Variants in MEMO1 observed in about 807,000 individuals in gnomAD.
MEMO1 encodes the protein mediator of cell motility 1.
Under a neutral mutation model 45.2 loss-of-function variants are expected in MEMO1, and 6 were observed. The observed-to-expected ratio is 0.13, with a 90% CI of 0.07 to 0.26. The LOEUF is 0.26. Among genes scored for constraint, MEMO1 ranks in the 10% least tolerant of loss-of-function variants. The pLI is 1.00. For missense variants in MEMO1, 184 were observed against 370.5 expected (o/e 0.50, Z 4.13); for synonymous variants, 78 against 124.3 (o/e 0.63, Z 2.48).
chr2:31,963,494 T>C (rs1279110967), intron 2 of MEMO1, among the ~76,000 whole-genome samples: 1 of 152,216 alleles, frequency 6.6e-6, no homozygotes, highest in Non-Finnish European at 1.5e-5. Context: ...TTTGGAAAAC[T>C]GGTAAATAAA....
rs560334635 is a variant in MEMO1, at chr2:31,913,195, C to T, written c.437+4731G>A. Among the ~76,000 whole-genome samples the T allele has an allele frequency of 6.3e-5, 8 of 127,182 alleles. No individual in the cohort carries two copies. The Admixed American group carries it at 8.0e-4, about 13-fold the overall frequency. 83.4% of individuals were successfully genotyped at this position (127,182 alleles called of 152,430 possible). ...CAGGAGAATCACTTGACCCAGGAGGCGGAGGATGCAGTGAGCCATGATCCA... is the reference window on the plus strand; with the variant it reads ...CAGGAGAATCACTTGACCCAGGAGGTGGAGGATGCAGTGAGCCATGATCCA... On this transcript the variant is annotated intron_variant, in intron 6 of 9. Transcript: ENST00000404530.
At chr2:31,921,212 A>G (rs1056637522) in intron 4 of MEMO1, among the ~76,000 whole-genome samples, 1 of 152,200 alleles carries the variant, frequency 6.6e-6, no homozygotes, top group African/African-American at 2.4e-5. Flanking sequence ...AGACACCAGA[A>G]GTATGCCTGC....
chr2:31,902,168 G>A (rs528969537), intron 6 of MEMO1, among the ~76,000 whole-genome samples: 1 of 151,844 alleles, frequency 6.6e-6, no homozygotes, highest in South Asian at 2.1e-4. Flanking sequence ...TGTAATCCCA[G>A]CACTTTGGGA....
chr2:31,876,783 C>G (rs1333380149), intron 8 of MEMO1, among the ~76,000 whole-genome samples: 1 of 151,916 alleles, frequency 6.6e-6, no homozygotes, highest in Non-Finnish European at 1.5e-5. Context: ...TCATCCTTGA[C>G]ATTTCCTTGA....
chr2:31,904,922 A>T (rs1679442382), intron 6 of MEMO1, among the ~76,000 whole-genome samples: 1 of 152,208 alleles, frequency 6.6e-6, no homozygotes, highest in Non-Finnish European at 1.5e-5. Flanking sequence ...TTCATGTAAG[A>T]AAAAATAAAC....
intron 3 of MEMO1, among the ~76,000 whole-genome samples, chr2:31,942,249 T>C (rs895356592): frequency 6.6e-6 from 1 of 152,114 alleles, no homozygotes; most frequent in Non-Finnish European, 1.5e-5. Context: ...AAAGACACAA[T>C]CTACTCCTCC....
intron 6 of MEMO1, among the ~76,000 whole-genome samples, chr2:31,916,641 T>G (rs1681486015): frequency 6.6e-6 from 1 of 152,192 alleles, no homozygotes; most frequent in Admixed American, 6.6e-5. Flanking sequence ...AAGTTCTGAT[T>G]ACAACAACAA....
At chr2:31,954,025 C>T (rs1667135787) in intron 2 of MEMO1, among the ~76,000 whole-genome samples, 1 of 152,120 alleles carries the variant, frequency 6.6e-6, no homozygotes, top group Middle Eastern at 3.2e-3. Flanking sequence ...AGTATTTTGA[C>T]TTCTAAGATA....
chr2:31,879,981 T>C (rs1416444742), intron 8 of MEMO1, among the ~76,000 whole-genome samples: 1 of 152,192 alleles, frequency 6.6e-6, no homozygotes, highest in African/African-American at 2.4e-5. Flanking sequence ...TCCCTTAACA[T>C]GACACACCTA....
At chr2:31,871,843 A>G (rs1454866686) in intron 8 of MEMO1, among the ~76,000 whole-genome samples, 1 of 151,964 alleles carries the variant, frequency 6.6e-6, no homozygotes, top group Non-Finnish European at 1.5e-5. Flanking sequence ...GTGAAACCCT[A>G]TTTCCACTAA....
intron 6 of MEMO1, among the ~76,000 whole-genome samples, chr2:31,907,410 A>G (rs1298821557): frequency 6.6e-6 from 1 of 152,232 alleles, no homozygotes; most frequent in East Asian, 1.9e-4. Flanking sequence ...TACATCTACT[A>G]TATTTGAAAA....
Position 31,996,419 on chromosome 2 carries a change from A to C in MEMO1, c.61+13768T>G, listed in dbSNP as rs530152022. 4.6e-5 allele frequency among the ~76,000 whole-genome samples: 7 copies of C among 151,904 alleles called. No homozygotes were observed. The South Asian group carries it at 1.5e-3, about 32-fold the overall frequency. ...AAATTAGCTGGGTGTGGTGGTGCAC[A>C]CCCGTAGTCCCAGCTGAGGGAGGCT... On this transcript the variant is annotated intron_variant, in intron 2 of 9. Coordinates refer to ENST00000404530, the MANE Select transcript of MEMO1 (RefSeq NM_001301833.4).
rs70964741 is a variant in MEMO1 at position 31,925,475 on chromosome 2, C to CAAAAAAAAAAAAAA, written c.213-4579_213-4566dup. Among the ~76,000 whole-genome samples the CAAAAAAAAAAAAAA allele has an allele frequency of 5.8e-4, 46 of 79,212 alleles. 2 individuals carry two copies. Among genetic ancestry groups the CAAAAAAAAAAAAAA allele is most frequent in the Admixed American group, 9.9e-4 (7 of 7,038 alleles). The allele number at this position is 79,212 out of a possible 152,430, so 52.0% of individuals were successfully genotyped here. The stretch of plus-strand genomic sequence containing the variant: ...TGGGGGACAGAGCAAGACTCCGTCT[C>CAAAAAAAAAAAAAA]AAAAAAAAAAAAAAAAAAAAAAAAT... On this transcript the variant is annotated intron_variant, in intron 4 of 9. Transcript: ENST00000404530.
intron 7 of MEMO1, among the ~76,000 whole-genome samples, chr2:31,889,625 G>A (rs982268116): frequency 3.5e-4 from 54 of 152,142 alleles, no homozygotes; most frequent in African/African-American, 1.2e-3. Flanking sequence ...ATGCAAAAGA[G>A]AAAATGTATC....
chr2:31,982,959 C>T (rs564261445), intron 2 of MEMO1, among the ~76,000 whole-genome samples: 1 of 152,084 alleles, frequency 6.6e-6, no homozygotes, highest in South Asian at 2.1e-4. Context: ...TATACATAGG[C>T]CAGGTGCAGT....
chr2:31,948,172 A>G (rs1268396326), intron 2 of MEMO1, among the ~76,000 whole-genome samples: 1 of 152,240 alleles, frequency 6.6e-6, no homozygotes, highest in Non-Finnish European at 1.5e-5. Flanking sequence ...ATATGTATAC[A>G]AAGTTTCCTC....
At chr2:31,939,819 C>T (rs796685412) in intron 3 of MEMO1, among the ~76,000 whole-genome samples, 2 of 152,146 alleles carry the variant, frequency 1.3e-5, no homozygotes, top group Admixed American at 6.5e-5. Context: ...AGATACTATC[C>T]TATTTCTCTG....
intron 3 of MEMO1, among the ~76,000 whole-genome samples, chr2:31,933,429 G>C (rs140117249): frequency 3.1e-5 from 4 of 129,468 alleles, no homozygotes; most frequent in Non-Finnish European, 1.6e-5. Context: ...CAGAAAGGAA[G>C]AATTATAAGC....
At chr2:31,928,366 A>G (rs1337583019) in intron 4 of MEMO1, among the ~76,000 whole-genome samples, 3 of 152,138 alleles carry the variant, frequency 2.0e-5, no homozygotes, top group African/African-American at 7.2e-5. Flanking sequence ...AACATGGTAA[A>G]ACCTTGTCTC....
Sources: allele counts gnomAD v4.1 joint callset (sites outside exome capture counted in the v4.1 genomes callset), GRCh38; gene constraint gnomAD v4.1.1; transcripts MANE v1.5; gene names NCBI Gene and HGNC (gene_info 2026-07-23, HGNC 2026-07-21).